Variants in ADGB observed in about 807,000 individuals in gnomAD.
ADGB encodes the protein calpain-7-like protein.
Under a neutral mutation model 210.5 loss-of-function variants are expected in ADGB, and 172 were observed. The observed-to-expected ratio is 0.82, with a 90% CI of 0.72 to 0.93. The LOEUF is 0.93. Ranked by LOEUF, ADGB falls within the 40% of genes least tolerant of loss-of-function variation. ADGB has a pLI of 0.00. For synonymous variants in ADGB, 658 were observed against 662.7 expected, an observed-to-expected ratio of 0.99 and a Z score of 0.11; for missense variants, 2,025 against 1,964.8, an observed-to-expected ratio of 1.03 and a Z score of -0.58.
chr6:146,663,140 T>G (rs957836271), intron 5 of ADGB, among the ~76,000 whole-genome samples: 2 of 142,196 alleles, frequency 1.4e-5, no homozygotes, highest in Admixed American at 7.3e-5. Context: ...ATTATATATA[T>G]AATTATAAAT....
In ADGB at chr6:146,805,326, T is replaced by C. The variant is rs377415330; in HGVS notation, c.4818+3315T>C. ...ACACCTTGATGCCAAACTTGTAGCA[T>C]CAAGCACTGTGAGGCAATGCATTTC... On this transcript the variant is annotated intron_variant, in intron 35 of 35. Transcript: ENST00000397944. Among the ~76,000 whole-genome samples the C allele has an allele frequency of 3.3e-5, 5 of 152,328 alleles. No individual in the cohort carries two copies. The East Asian group carries it at 7.7e-4, about 24-fold the overall frequency.
At chr6:146,787,491 T>A (rs1448627319) in intron 32 of ADGB, among the ~76,000 whole-genome samples, 2 of 151,370 alleles carry the variant, frequency 1.3e-5, no homozygotes, top group Non-Finnish European at 2.9e-5. Flanking sequence ...TTGTCTATTT[T>A]ATGTAGGTTC....
chr6:146,767,652 A>C (rs554002009), intron 28 of ADGB, among the ~76,000 whole-genome samples: 5 of 152,204 alleles, frequency 3.3e-5, no homozygotes, highest in Admixed American at 3.3e-4. Flanking sequence ...TTGTATTTTT[A>C]GTAGACAAAG....
chr6:146,777,459 G>C (rs1200383747), intron 29 of ADGB, among the ~76,000 whole-genome samples: 3 of 152,128 alleles, frequency 2.0e-5, no homozygotes, highest in Admixed American at 2.0e-4. Flanking sequence ...TTGGGGAAAG[G>C]TAATTATACT....
rs185070537 is a variant in ADGB at position 146,734,052 on chromosome 6, T to C, written c.2794+22T>C. 5.1e-4 allele frequency: 790 copies of C among 1,543,992 alleles called. 9 individuals are homozygous for C. In the East Asian group the frequency reaches 5.8e-3, roughly 11 times the overall value. ...CCAGGTATGATTGTCCAAACATTTA[T>C]AAAATGAACTTGTTTGTATAAGAAT... On this transcript the variant is annotated intron_variant, in intron 22 of 35. Transcript: ENST00000397944.
chr6:146,771,095 C>G (rs1368690618), intron 29 of ADGB, among the ~76,000 whole-genome samples: 1 of 152,028 alleles, frequency 6.6e-6, no homozygotes, highest in African/African-American at 2.4e-5. Flanking sequence ...CCGCAAATAC[C>G]TTGCAGGCCA....
chr6:146,744,748 C>T (rs968467685), intron 25 of ADGB, among the ~76,000 whole-genome samples: 8 of 152,100 alleles, frequency 5.3e-5, no homozygotes, highest in African/African-American at 1.9e-4. Flanking sequence ...TGTTTTACTA[C>T]TGAATCCATT....
At chr6:146,715,109 T>A (rs1276444121) in intron 13 of ADGB, among the ~76,000 whole-genome samples, 3 of 152,230 alleles carry the variant, frequency 2.0e-5, no homozygotes, top group Admixed American at 6.5e-5. Flanking sequence ...TGTTTTAATT[T>A]AACTCTTGTT....
chr6:146,781,215 C>A (rs368264333), intron 29 of ADGB, among the ~76,000 whole-genome samples: 12 of 146,608 alleles, frequency 8.2e-5, no homozygotes, highest in East Asian at 4.0e-4. Context: ...TGGTGGCGGG[C>A]ACCTGTAGTC....
At chr6:146,654,988 C>T (rs887013577) in intron 4 of ADGB, among the ~76,000 whole-genome samples, 2 of 152,140 alleles carry the variant, frequency 1.3e-5, no homozygotes, top group Admixed American at 6.5e-5. Flanking sequence ...CCCTGGTAAC[C>T]ACCGTTTCTC....
Position 146,782,170 on chromosome 6 carries a change from A to G in ADGB, c.4013A>G (p.Gln1338Arg). 1 of 1,537,130 alleles carries G rather than the reference A, an allele frequency of 6.5e-7. No homozygotes were observed. The highest frequency in any genetic ancestry group is 1.2e-5 in the South Asian group (1 of 80,542). ...SEKEKTAKEKQAPRFEPQIST... is the reference protein window; with the variant it reads ...SEKEKTAKEKRAPRFEPQIST... ...AAAGAAAAGACAGCCAAAGAAAAAC[A>G]AGCACCTCGCTTTGAGCCTCAGGTG... The change falls in exon 30 of 36, where the codon CAA becomes CGA. Residue 1338 changes from glutamine (Q) to arginine (R), a missense_variant. Transcript: ENST00000397944.
At position 146,764,126 on chromosome 6, in the gene ADGB, G is replaced by A. The variant is rs1229611574; in HGVS notation, c.3750+26G>A. 4.0e-6 allele frequency: 6 copies of A among 1,501,578 alleles called. No individual in the cohort carries two copies. The South Asian group carries it at 6.3e-5, about 16-fold the overall frequency. The allele number at this position is 1,501,578 out of a possible 1,614,324, so 93.0% of individuals were successfully genotyped here. On this transcript the variant is annotated intron_variant, in intron 28 of 35. Coordinates refer to ENST00000397944, the MANE Select transcript of ADGB (RefSeq NM_024694.4). ...GTATATTAAAAACAATTGTTCAATTGGACTGTTCCTAAAACCCTAACATAA... is the reference window on the plus strand; with the variant it reads ...GTATATTAAAAACAATTGTTCAATTAGACTGTTCCTAAAACCCTAACATAA...
At chr6:146,698,683 C>T (rs772586194) in intron 12 of ADGB, among the ~76,000 whole-genome samples, 147 of 152,080 alleles carry the variant, frequency 9.7e-4, no homozygotes, top group Non-Finnish European at 1.4e-3. Flanking sequence ...CTGCTACTTT[C>T]GTTTTAAAAT....
intron 32 of ADGB, among the ~76,000 whole-genome samples, chr6:146,787,891 T>C (rs985591672): frequency 1.3e-5 from 2 of 152,018 alleles, no homozygotes; most frequent in African/African-American, 2.4e-5. Context: ...AGGCTAGGGA[T>C]CTGGAACACT....
At chr6:146,754,804 T>G (rs1163207895) in intron 27 of ADGB, among the ~76,000 whole-genome samples, 1 of 152,058 alleles carries the variant, frequency 6.6e-6, no homozygotes, top group Non-Finnish European at 1.5e-5. Flanking sequence ...CAAGTTTGAT[T>G]ACTGTCCCAC....
chr6:146,776,488 G>A (rs962788681), intron 29 of ADGB, among the ~76,000 whole-genome samples: 17 of 151,898 alleles, frequency 1.1e-4, no homozygotes, highest in African/African-American at 3.9e-4. Context: ...CCTAAATTAC[G>A]CCATTAAAAA....
At chr6:146,640,076 A>G (rs1239937049) in intron 2 of ADGB, among the ~76,000 whole-genome samples, 1 of 151,974 alleles carries the variant, frequency 6.6e-6, no homozygotes, top group Admixed American at 6.6e-5. Context: ...GATGAAGGGA[A>G]TGTTACTATT....
intron 33 of ADGB, among the ~76,000 whole-genome samples, chr6:146,799,527 T>C (rs1325168609): frequency 6.4e-5 from 5 of 78,452 alleles, no homozygotes; most frequent in Non-Finnish European, 1.2e-4. Flanking sequence ...AGCAAGACTC[T>C]GGGGGGAGAA....
Position 146,656,924 on chromosome 6 carries a change from G to A in ADGB, c.556G>A (p.Gly186Ser), listed in dbSNP as rs940904814. 1 of 1,551,528 alleles carries A rather than the reference G, an allele frequency of 6.4e-7. No homozygotes were observed. Among genetic ancestry groups the A allele is most frequent in the Admixed American group, 2.0e-5 (1 of 50,996 alleles). Residue 186 changes from glycine (G) to serine (S), a missense_variant, in exon 5 of 36, where the codon GGT (glycine) becomes AGT (serine). Physicochemically the swap from Gly to Ser is moderately conservative, Grantham distance 56. Transcript: ENST00000397944. ...HIYSLCKAVKGHMPLFNSYGK... is the reference protein window; with the variant it reads ...HIYSLCKAVKSHMPLFNSYGK... ...ATACTCTCTGTGCAAGGCTGTGAAG[G>A]GTCATATGCCTTTGTTCAATAGCTA...
Sources: gnomAD v4.1 joint callset for allele counts (sites outside exome capture counted in the v4.1 genomes callset) on GRCh38, gnomAD v4.1.1 for gene constraint, MANE v1.5 for transcripts, NCBI Gene and HGNC (gene_info 2026-07-23, HGNC 2026-07-21) for gene names.